The following CSMD2 variants were observed in gnomAD, a reference collection of about 807,000 sequenced individuals.
CSMD2 encodes CUB and Sushi multiple domains 2.
CSMD2 carries 130 observed loss-of-function variants against 398.5 expected under a neutral mutation model. The ratio of observed to expected loss-of-function variants is 0.33; its 90% CI spans 0.28 to 0.38. CSMD2 has a LOEUF of 0.38. Among genes scored for constraint, CSMD2 ranks in the 10% least tolerant of loss-of-function variants. CSMD2 has a pLI of 1.00. For missense variants in CSMD2, 3,829 were observed against 4,764.9 expected (o/e 0.80, Z 5.78); for synonymous variants, 1,828 against 1,908.5 (o/e 0.96, Z 1.10).
At chr1:33,678,173 A>G (rs1644782759) in intron 25 of CSMD2, among the ~76,000 whole-genome samples, 2 of 152,016 alleles carry the variant, frequency 1.3e-5, no homozygotes, top group East Asian at 3.9e-4. Flanking sequence ...TTCTCTTGCC[A>G]TGTGACATGC....
intron 3 of CSMD2, among the ~76,000 whole-genome samples, chr1:33,968,247 G>C (rs12563302): frequency 0.052 from 7,978 of 152,244 alleles, 308 homozygotes; most frequent in East Asian, 0.18. Flanking sequence ...CATGGGAGCT[G>C]GGGTGAGTCT....
At chr1:33,543,172 TCACC>T in intron 57 of CSMD2, among the ~76,000 whole-genome samples, 1 of 152,370 alleles carries the variant, frequency 6.6e-6, no homozygotes, top group East Asian at 1.9e-4. Context: ...TTGCTTAATA[TCACC>T]AAATATCCAA....
At chr1:34,030,798 G>A (rs766279444) in intron 3 of CSMD2, among the ~76,000 whole-genome samples, 14 of 152,254 alleles carry the variant, frequency 9.2e-5, no homozygotes, top group South Asian at 8.3e-4. Context: ...CCTAGGGCCC[G>A]GCCAGTTCCC....
At chr1:33,707,136 C>T (rs1645813510) in intron 22 of CSMD2, among the ~76,000 whole-genome samples, 1 of 152,152 alleles carries the variant, frequency 6.6e-6, no homozygotes, top group Non-Finnish European at 1.5e-5. Flanking sequence ...ATCTAGACCC[C>T]CTTAGTGAGG....
At chr1:34,147,771 T>C (rs890228032) in intron 1 of CSMD2, among the ~76,000 whole-genome samples, 2 of 152,168 alleles carry the variant, frequency 1.3e-5, no homozygotes, top group African/African-American at 2.4e-5. Flanking sequence ...ATGCCAATTA[T>C]GGCAGTGACG....
chr1:34,056,906 C>T (rs1445721278), intron 2 of CSMD2, among the ~76,000 whole-genome samples: 1 of 152,150 alleles, frequency 6.6e-6, no homozygotes, highest in Admixed American at 6.5e-5. Context: ...TGAGCTAAAT[C>T]CCATTGGGGA....
chr1:33,520,770 G>A (rs191710748), intron 68 of CSMD2, among the ~76,000 whole-genome samples: 124 of 152,276 alleles, frequency 8.1e-4, no homozygotes, highest in African/African-American at 2.7e-3. Flanking sequence ...CAAGGGCCCC[G>A]GCGATGGGAG....
intron 3 of CSMD2, among the ~76,000 whole-genome samples, chr1:33,949,719 T>C (rs1017150253): frequency 1.3e-5 from 2 of 152,128 alleles, no homozygotes; most frequent in Non-Finnish European, 2.9e-5. Context: ...AGGAAGGATG[T>C]TCCAGAGACA....
intron 55 of CSMD2, among the ~76,000 whole-genome samples, chr1:33,553,900 G>GCCACA (rs1317970635): frequency 6.6e-6 from 1 of 152,110 alleles, no homozygotes; most frequent in African/African-American, 2.4e-5. Flanking sequence ...GATCAAACCA[G>GCCACA]CCACAATATT....
rs543647528 is a variant in CSMD2 at position 33,816,411 on chromosome 1, C to A, written c.1324+3302G>T. 2.6e-4 allele frequency among the ~76,000 whole-genome samples: 39 copies of A among 152,142 alleles called. No individual in the cohort carries two copies. The South Asian group carries it at 5.0e-3, about 19-fold the overall frequency. On this transcript the variant is annotated intron_variant, in intron 9 of 70. Coordinates refer to ENST00000373381, the MANE Select transcript of CSMD2 (RefSeq NM_001281956.2). ...CAGTGGTTTACAGTGTTCCCTGGGG[C>A]CCCAGGGGTACCAGGACTCAAAGGC...
intron 32 of CSMD2, among the ~76,000 whole-genome samples, chr1:33,629,551 A>G (rs1557647430): frequency 6.6e-6 from 1 of 152,206 alleles, no homozygotes; most frequent in Admixed American, 6.5e-5. Context: ...TGCAACATTC[A>G]CAATCATTGA....
At chr1:33,658,940 A>T (rs929688167) in intron 26 of CSMD2, among the ~76,000 whole-genome samples, 20 of 152,314 alleles carry the variant, frequency 1.3e-4, no homozygotes, top group Admixed American at 9.8e-4. Flanking sequence ...GGCCTGCCTA[A>T]ATGCTAAGCA....
chr1:33,995,954 G>T (rs1220362269), intron 3 of CSMD2, among the ~76,000 whole-genome samples: 1 of 152,140 alleles, frequency 6.6e-6, no homozygotes, highest in Admixed American at 6.5e-5. Context: ...AGGTCACTTT[G>T]TGGGAAATAC....
At chr1:33,766,397 G>A (rs1013997166) in intron 13 of CSMD2, among the ~76,000 whole-genome samples, 5 of 152,140 alleles carry the variant, frequency 3.3e-5, no homozygotes, top group African/African-American at 1.2e-4. Flanking sequence ...TTGCTCTTCT[G>A]TTCAGCACCC....
chr1:33,702,613 A>C (rs1645646884), intron 22 of CSMD2, among the ~76,000 whole-genome samples: 1 of 152,188 alleles, frequency 6.6e-6, no homozygotes, highest in South Asian at 2.1e-4. Flanking sequence ...AATTATAGAT[A>C]CTATAGGGCA....
intron 11 of CSMD2, among the ~76,000 whole-genome samples, chr1:33,789,937 T>C (rs1400058017): frequency 6.6e-6 from 1 of 152,226 alleles, no homozygotes; most frequent in African/African-American, 2.4e-5. Flanking sequence ...TGTGGGACCT[T>C]GGGCAAGTGG....
chr1:33,591,551 G>GC (rs1639458008), intron 44 of CSMD2, among the ~76,000 whole-genome samples: 1 of 152,056 alleles, frequency 6.6e-6, no homozygotes, highest in Non-Finnish European at 1.5e-5. Flanking sequence ...AAAATCACCT[G>GC]CTTTTTTTGC....
chr1:33,571,747 A>G (rs2148695669), intron 50 of CSMD2, 21 bp from the exon 51 acceptor site: 2 of 1,418,510 alleles, frequency 1.4e-6, no homozygotes, highest in Non-Finnish European at 1.9e-6. Context: ...GAGGAAAAGA[A>G]AGGAGGATTA....
chr1:33,972,053 C>T (rs1011739337), intron 3 of CSMD2, among the ~76,000 whole-genome samples: 2 of 152,150 alleles, frequency 1.3e-5, no homozygotes, highest in Non-Finnish European at 1.5e-5. Flanking sequence ...TCACGACAGC[C>T]ACCCCTTAAG....
Sources: allele counts gnomAD v4.1 joint callset (sites outside exome capture counted in the v4.1 genomes callset), GRCh38; gene constraint gnomAD v4.1.1; transcripts MANE v1.5; gene names NCBI Gene and HGNC (gene_info 2026-07-23, HGNC 2026-07-21).